Variants in APOL5 observed in about 807,000 individuals in gnomAD.
APOL5 encodes the protein apolipoprotein L, 5.
Under a neutral mutation model 35.5 loss-of-function variants are expected in APOL5, and 29 were observed. The ratio of observed to expected loss-of-function variants is 0.82; its 90% CI spans 0.61 to 1.11. The LOEUF is 1.11. Among genes scored for constraint, APOL5 ranks in the 50% most tolerant of loss-of-function variants. The pLI is 0.00. For synonymous variants in APOL5, 188 were observed against 200.2 expected (o/e 0.94, Z 0.51); for missense variants, 514 against 530.4 (o/e 0.97, Z 0.30).
chr22:35,721,132 G>T (rs1926958561), intron 2 of APOL5, among the ~76,000 whole-genome samples: 1 of 152,102 alleles, frequency 6.6e-6, no homozygotes, highest in African/African-American at 2.4e-5. Context: ...CATACAAATG[G>T]GTTCCAACCA....
chr22:35,726,092 C>T, intron 2 of APOL5, 119 bp from the exon 3 acceptor site: 1 of 1,169,578 alleles, frequency 8.6e-7, no homozygotes, highest in Non-Finnish European at 1.2e-6. Context: ...ACCCCTTTCA[C>T]TGCTGTAATT....
intron 1 of APOL5, 39 bp from the exon 2 acceptor site, chr22:35,720,529 A>G (rs1359469680): frequency 1.3e-6 from 2 of 1,591,478 alleles, no homozygotes; most frequent in East Asian, 4.5e-5. Context: ...GGCTGAGATG[A>G]CTCAAGAAGA....
intron 1 of APOL5, among the ~76,000 whole-genome samples, chr22:35,719,491 T>C (rs1050117549): frequency 1.3e-5 from 2 of 152,310 alleles, no homozygotes; most frequent in African/African-American, 2.4e-5. Context: ...TGCTCCCAAG[T>C]TAAAAATGTT....
At chr22:35,728,324 C>T (rs1262326632) in intron 3 of APOL5, among the ~76,000 whole-genome samples, 2 of 152,172 alleles carry the variant, frequency 1.3e-5, no homozygotes, top group African/African-American at 2.4e-5. Flanking sequence ...CCCGGGTTCA[C>T]GCCATTCTCC....
chr22:35,726,344 T>G lies in APOL5; in HGVS notation c.276T>G (p.Asp92Glu), dbSNP rs758039996. ...LMRCDKDSMPDGNLSEEEKLF... is the reference protein window; with the variant it reads ...LMRCDKDSMPEGNLSEEEKLF... Reference sequence around the variant, plus strand: ...GATGTGACAAAGATTCCATGCCAGATGGAAATCTGTCAGAGGAGGAAAAAT... The same window carrying G: ...GATGTGACAAAGATTCCATGCCAGAGGGAAATCTGTCAGAGGAGGAAAAAT... The change falls in exon 3 of 5, where the codon GAT becomes GAG. Residue 92 changes from aspartate (D) to glutamate (E), a missense_variant. Physicochemically the swap from Asp to Glu is conservative, Grantham distance 45. This residue lies in a region of APOL5 where 254 missense variants were observed against 254.7 expected (regional missense o/e 1.00). Transcript: ENST00000249044. The G allele has an allele frequency of 1.6e-5, 26 of 1,614,204 alleles. No individual in the cohort carries two copies. Among genetic ancestry groups the G allele is most frequent in the Non-Finnish European group, 2.2e-5 (26 of 1,180,048 alleles).
chr22:35,719,336 A>C (rs916768492), intron 1 of APOL5, among the ~76,000 whole-genome samples: 6 of 152,102 alleles, frequency 3.9e-5, no homozygotes, highest in African/African-American at 1.4e-4. Context: ...AACAAGGTGG[A>C]CTCTGCTGTG....
chr22:35,709,367 TCACACACACA>T, the APOL5 span, among the ~76,000 whole-genome samples: 1 of 149,822 alleles, frequency 6.7e-6, no homozygotes, highest in South Asian at 2.1e-4. Context: ...CACAAAATTT[TCACACACACA>T]CACACACACA....
chr22:35,712,848 C>T, the APOL5 span, among the ~76,000 whole-genome samples: 2 of 152,190 alleles, frequency 1.3e-5, no homozygotes, highest in Non-Finnish European at 2.9e-5. Context: ...TCAGATTGTT[C>T]ACAAGGTGGA....
chr22:35,726,450 G>A lies in APOL5; in HGVS notation c.382G>A (p.Asp128Asn). ...KELNTLADQV[D>N]TTHELLTKTS... ...ACTTAACACCCTTGCGGACCAAGTTGACACCACTCACGAGTTGCTTACCAA... is the reference window on the plus strand; with the variant it reads ...ACTTAACACCCTTGCGGACCAAGTTAACACCACTCACGAGTTGCTTACCAA... The change falls in exon 3 of 5, where the codon GAC becomes AAC. Residue 128 changes from aspartate (D) to asparagine (N), a missense_variant. This residue lies in a region of APOL5 where 254 missense variants were observed against 254.7 expected (regional missense o/e 1.00). Transcript: ENST00000249044. 2 of 1,614,140 alleles carry A rather than the reference G, an allele frequency of 1.2e-6. No individual in the cohort carries two copies. Among genetic ancestry groups the A allele is most frequent in the Non-Finnish European group, 1.7e-6 (2 of 1,180,038 alleles).
chr22:35,727,220 C>T (rs376879820), intron 3 of APOL5, 26 bp downstream of exon 3: 4 of 1,576,250 alleles, frequency 2.5e-6, no homozygotes, highest in Non-Finnish European at 3.4e-6. Flanking sequence ...ATAACACGGA[C>T]GTGGTCTTGC....
the APOL5 span, among the ~76,000 whole-genome samples, chr22:35,712,615 T>C: frequency 1.3e-5 from 2 of 152,236 alleles, no homozygotes; most frequent in Non-Finnish European, 2.9e-5. Flanking sequence ...TCTATTCACA[T>C]CCTTTGTCCA....
chr22:35,717,804 T>G (rs903188434), upstream of APOL5: 1 of 1,086,478 alleles, frequency 9.2e-7, no homozygotes, highest in African/African-American at 1.7e-5. Flanking sequence ...GAGACAGGTT[T>G]CAGGCATGGA....
rs149294583 is a variant in APOL5 at position 35,720,647 on chromosome 22, T to G, written c.135T>G (p.Pro45=). 4.2e-5 allele frequency: 68 copies of G among 1,609,664 alleles called. No homozygotes were observed. The African/African-American group carries it at 8.3e-4, about 20-fold the overall frequency. The stretch of plus-strand genomic sequence containing the variant: ...AGGTCTGGGGGAAGTCCCCAGAACC[T>G]GAGTTCCGTGAGGGCAGAGAACAGG... ...GGEVWGKSPE[P]EFPSLVNLCQ... is the part of the protein sequence containing the mutation. Residue 45 remains proline, a synonymous_variant, in exon 2 of 5, where the codon CCT becomes CCG. Coordinates refer to ENST00000249044, the MANE Select transcript of APOL5 (RefSeq NM_030642.1).
upstream of APOL5, among the ~76,000 whole-genome samples, chr22:35,712,939 A>C (rs1462951832): frequency 6.6e-6 from 1 of 152,152 alleles, no homozygotes; most frequent in African/African-American, 2.4e-5. Flanking sequence ...ATTTAGTCCT[A>C]TCGTCACTGC....
Position 35,726,984 on chromosome 22 carries a change from GACATGAGCAGCTT to G in APOL5, c.917_929del (p.Asp306AlafsTer20). Reference sequence around the variant, plus strand: ...TGGGGCTGGCTTCTTACTTATGAAAGACATGAGCAGCTTCCTGCAGAGCTGGAAGCACCTGGAG... The same window carrying G: ...TGGGGCTGGCTTCTTACTTATGAAAGCCTGCAGAGCTGGAAGCACCTGGAG... On this transcript the variant is annotated frameshift_variant, in exon 3 of 5. Transcript: ENST00000249044. LOFTEE classifies it high-confidence loss of function. 1.2e-6 allele frequency: 2 copies of G among 1,614,190 alleles called. No individual in the cohort carries two copies. Among genetic ancestry groups the G allele is most frequent in the Non-Finnish European group, 8.5e-7 (1 of 1,180,018 alleles).
At chr22:35,725,101 A>G (rs1435969032) in intron 2 of APOL5, among the ~76,000 whole-genome samples, 1 of 152,114 alleles carries the variant, frequency 6.6e-6, no homozygotes, top group Non-Finnish European at 1.5e-5. Context: ...GTAATAGCCC[A>G]GTGGGTTCAT....
upstream of APOL5, among the ~76,000 whole-genome samples, chr22:35,715,142 A>G (rs985425087): frequency 3.3e-5 from 5 of 152,144 alleles, no homozygotes; most frequent in Admixed American, 2.6e-4. Flanking sequence ...ACTGGAAGGG[A>G]ACTATGAGCC....
upstream of APOL5, among the ~76,000 whole-genome samples, chr22:35,717,235 A>AAAAATATATATATAT: frequency 1.7e-5 from 1 of 57,656 alleles, no homozygotes; most frequent in African/African-American, 8.0e-5. Flanking sequence ...AAAAAAAAAA[A>AAAAATATATATATAT]ATATATATAT....
rs755423266 is a variant in APOL5, at chr22:35,728,904, G to A, written c.*6G>A. ...CGGGAAGACACCGACAATGAGAAGAGGTAAGTGGGACGCAAGGAAGCCAGG... is the reference window on the plus strand; with the variant it reads ...CGGGAAGACACCGACAATGAGAAGAAGTAAGTGGGACGCAAGGAAGCCAGG... On this transcript the variant is annotated splice_region_variant and 3_prime_UTR_variant, in exon 4 of 5. Coordinates refer to ENST00000249044, the MANE Select transcript of APOL5 (RefSeq NM_030642.1). 1 of 1,583,674 alleles carries A rather than the reference G, an allele frequency of 6.3e-7. No individual in the cohort carries two copies. The highest frequency in any genetic ancestry group is 1.1e-5 in the South Asian group (1 of 87,088).
Sources: allele counts gnomAD v4.1 joint callset (sites outside exome capture counted in the v4.1 genomes callset), GRCh38; gene constraint gnomAD v4.1.1; regional missense constraint gnomAD v4.1.1; transcripts MANE v1.5; gene names NCBI Gene and HGNC (gene_info 2026-07-23, HGNC 2026-07-21).